S100Z: variants seen among roughly 807,000 people sequenced by gnomAD.
S100Z encodes S100 calcium binding protein Z, also known as protein S100-Z.
A neutral mutation model predicts 8.5 loss-of-function variants in S100Z; 11 were observed. The ratio of observed to expected loss-of-function variants is 1.30; its 90% CI spans 0.82 to 2.15. The LOEUF is 2.15. Among genes scored for constraint, S100Z ranks in the 30% most tolerant of loss-of-function variants. The probability of loss-of-function intolerance (pLI) is 0.00; values close to 1 mark genes in which losing one functional copy is unlikely to be tolerated. For synonymous variants in S100Z, 34 were observed against 43.8 expected, an observed-to-expected ratio of 0.78 and a Z score of 0.89; for missense variants, 126 against 117.9, an observed-to-expected ratio of 1.07 and a Z score of -0.32.
the S100Z span, among the ~76,000 whole-genome samples, chr5:76,949,911 A>C: frequency 6.6e-6 from 1 of 152,186 alleles, no homozygotes; most frequent in East Asian, 1.9e-4. Context: ...AGTTGATAAT[A>C]TTGTGTTGTG....
At chr5:76,922,484 C>T (rs144584961), downstream of S100Z, among the ~76,000 whole-genome samples, 201 of 152,260 alleles carry the variant, frequency 1.3e-3, 2 homozygotes, top group East Asian at 0.03. Context: ...CTCCCAGGTT[C>T]ATACATCTCT....
At chr5:76,893,740 T>C (rs909157264) in intron 4 of S100Z, among the ~76,000 whole-genome samples, 2 of 151,902 alleles carry the variant, frequency 1.3e-5, no homozygotes, top group African/African-American at 2.4e-5. Flanking sequence ...GAGAAAGAGG[T>C]GTGTGGGTCC....
the S100Z span, among the ~76,000 whole-genome samples, chr5:76,934,551 G>A: frequency 6.6e-6 from 1 of 152,308 alleles, no homozygotes; most frequent in South Asian, 2.1e-4. Flanking sequence ...TGGCCCTTGG[G>A]AGGTGACTAA....
chr5:76,896,436 G>A (rs572948089), intron 4 of S100Z, among the ~76,000 whole-genome samples: 58 of 152,212 alleles, frequency 3.8e-4, no homozygotes, highest in African/African-American at 1.3e-3. Context: ...TACATTCATC[G>A]GTTGATGGAC....
chr5:76,893,005 C>A (rs536350284), intron 4 of S100Z, among the ~76,000 whole-genome samples: 1 of 152,020 alleles, frequency 6.6e-6, no homozygotes, highest in Non-Finnish European at 1.5e-5. Context: ...AATTTCCAGG[C>A]CCTCCAGGAG....
intron 3 of S100Z, among the ~76,000 whole-genome samples, chr5:76,875,896 A>G (rs912462927): frequency 6.6e-6 from 1 of 152,108 alleles, no homozygotes; most frequent in Non-Finnish European, 1.5e-5. Flanking sequence ...TTACCTTCAG[A>G]GGTGGGGTAC....
At chr5:76,929,669 G>A in the S100Z span, among the ~76,000 whole-genome samples, 335 of 152,292 alleles carry the variant, frequency 2.2e-3, no homozygotes, top group Non-Finnish European at 2.9e-3. Context: ...ACCAAGCAGA[G>A]GCTGAATGTT....
At chr5:76,861,818 A>G (rs1190485288) in intron 1 of S100Z, among the ~76,000 whole-genome samples, 2 of 152,232 alleles carry the variant, frequency 1.3e-5, no homozygotes, top group African/African-American at 4.8e-5. Context: ...TTCATGTTAT[A>G]CTTCTTAGTC....
At chr5:76,941,115 A>T in the S100Z span, among the ~76,000 whole-genome samples, 1 of 152,206 alleles carries the variant, frequency 6.6e-6, no homozygotes, top group Non-Finnish European at 1.5e-5. Flanking sequence ...ACCGTTCTGC[A>T]GGCTGTACAT....
chr5:76,856,505 T>G (rs1750885927), intron 1 of S100Z, among the ~76,000 whole-genome samples: 1 of 152,232 alleles, frequency 6.6e-6, no homozygotes, highest in African/African-American at 2.4e-5. Context: ...CGGCCTAACC[T>G]TCTTTTCTTA....
chr5:76,931,659 C>G, the S100Z span, among the ~76,000 whole-genome samples: 2 of 152,252 alleles, frequency 1.3e-5, no homozygotes, highest in African/African-American at 4.8e-5. Flanking sequence ...ATAGAAAAGA[C>G]CAGATGGATA....
intron 3 of S100Z, among the ~76,000 whole-genome samples, chr5:76,877,078 A>G (rs1236551891): frequency 6.6e-6 from 1 of 152,158 alleles, no homozygotes. Context: ...TGTCCTATAC[A>G]ATACTTGAGA....
At chr5:76,943,296 G>C in the S100Z span, among the ~76,000 whole-genome samples, 1 of 152,152 alleles carries the variant, frequency 6.6e-6, no homozygotes. Context: ...GTGGCTTCCT[G>C]GTAGCTGGAC....
At chr5:76,867,178 A>G (rs879586306) in intron 1 of S100Z, among the ~76,000 whole-genome samples, 4 of 152,232 alleles carry the variant, frequency 2.6e-5, no homozygotes, top group Non-Finnish European at 5.9e-5. Flanking sequence ...CACCAGTGAC[A>G]CCATCACCAC....
chr5:76,922,224 GC>G (rs1182777344), downstream of S100Z, among the ~76,000 whole-genome samples: 1 of 152,198 alleles, frequency 6.6e-6, no homozygotes. Flanking sequence ...AACCAAGAAA[GC>G]TTTTTTCCAA....
chr5:76,935,786 G>A, the S100Z span, among the ~76,000 whole-genome samples: 4 of 144,120 alleles, frequency 2.8e-5, no homozygotes, highest in Non-Finnish European at 6.0e-5. Context: ...TTTTTTTTGC[G>A]ATGGAGTTTC....
At chr5:76,866,623 C>G (rs889055971) in intron 1 of S100Z, among the ~76,000 whole-genome samples, 1 of 152,036 alleles carries the variant, frequency 6.6e-6, no homozygotes, top group African/African-American at 2.4e-5. Flanking sequence ...CTATATTTAC[C>G]TACACAAATA....
chr5:76,857,433 T>G (rs963842990), intron 1 of S100Z, among the ~76,000 whole-genome samples: 2 of 151,884 alleles, frequency 1.3e-5, no homozygotes, highest in Non-Finnish European at 2.9e-5. Context: ...ATATATACTC[T>G]CTGAGATGGC....
intron 4 of S100Z, among the ~76,000 whole-genome samples, chr5:76,893,846 G>T (rs913422073): frequency 1.3e-5 from 2 of 152,054 alleles, no homozygotes; most frequent in African/African-American, 4.8e-5. Flanking sequence ...GTGCACCCTG[G>T]GTTTCTACTA....
Sources: allele counts gnomAD v4.1 joint callset (sites outside exome capture counted in the v4.1 genomes callset), GRCh38; gene constraint gnomAD v4.1.1; transcripts MANE v1.5; gene names NCBI Gene and HGNC (gene_info 2026-07-23, HGNC 2026-07-21).